Variants in SCN11A observed in about 807,000 individuals in gnomAD.
SCN11A encodes sodium channel protein type 11 subunit alpha.
In SCN11A, 122 loss-of-function variants were observed where a neutral mutation model predicts 162.2. The ratio of observed to expected loss-of-function variants is 0.75; its 90% CI spans 0.65 to 0.87. The LOEUF (loss-of-function observed/expected upper bound fraction) is 0.87, where lower values mean the gene tolerates loss of function less well. Among genes scored for constraint, SCN11A ranks in the 40% least tolerant of loss-of-function variants. The pLI, the probability that SCN11A is intolerant of heterozygous loss-of-function variation, is 0.00. For synonymous variants in SCN11A, 758 were observed against 751.5 expected, an observed-to-expected ratio of 1.01 and a Z score of -0.14; for missense variants, 2,015 against 2,181.6, an observed-to-expected ratio of 0.92 and a Z score of 1.52.
chr3:38,995,803 A>ATCTATCTATCTGTCTG (rs1553648571), intron 2 of SCN11A, among the ~76,000 whole-genome samples: 110 of 135,248 alleles, frequency 8.1e-4, no homozygotes, highest in African/African-American at 2.8e-3. Flanking sequence ...TAAATTGTCT[A>ATCTATCTATCTGTCTG]TCTATCTATC....
chr3:38,994,408 T>C (rs946610690), intron 2 of SCN11A, among the ~76,000 whole-genome samples: 1 of 152,142 alleles, frequency 6.6e-6, no homozygotes, highest in African/African-American at 2.4e-5. Context: ...AGGACATTTC[T>C]AGGGTACTTA....
chr3:38,917,978 A>G (rs894725096), intron 11 of SCN11A, among the ~76,000 whole-genome samples: 9 of 151,480 alleles, frequency 5.9e-5, no homozygotes, highest in Admixed American at 5.3e-4. Context: ...TTTCCCCACC[A>G]CTCTCTATTG....
At chr3:38,964,455 A>G (rs1340438993) in intron 2 of SCN11A, among the ~76,000 whole-genome samples, 1 of 152,232 alleles carries the variant, frequency 6.6e-6, no homozygotes, top group Non-Finnish European at 1.5e-5. Context: ...TGCATGAGAA[A>G]GAACAGGTGT....
intron 11 of SCN11A, among the ~76,000 whole-genome samples, chr3:38,914,308 G>A (rs1438675575): frequency 6.6e-6 from 1 of 151,988 alleles, no homozygotes; most frequent in East Asian, 1.9e-4. Context: ...TTGGTATACA[G>A]GAATGCTAGT....
At chr3:38,870,812 G>C in intron 25 of SCN11A, 68 bp from the exon 26 acceptor site, 1 of 1,408,150 alleles carries the variant, frequency 7.1e-7, no homozygotes, top group Non-Finnish European at 1.0e-6. Context: ...ACATGGCATG[G>C]AAAAGCAGGT....
chr3:38,938,022 C>T (rs1178296929), intron 7 of SCN11A, among the ~76,000 whole-genome samples: 1 of 152,136 alleles, frequency 6.6e-6, no homozygotes, highest in African/African-American at 2.4e-5. Context: ...AAATGTGGCA[C>T]ATATACACCA....
intron 2 of SCN11A, among the ~76,000 whole-genome samples, chr3:38,984,660 G>A (rs1187467243): frequency 6.6e-6 from 1 of 152,074 alleles, no homozygotes; most frequent in Non-Finnish European, 1.5e-5. Context: ...ACAGGTACCT[G>A]CCACCATGCC....
intron 1 of SCN11A, among the ~76,000 whole-genome samples, chr3:39,045,082 C>G (rs1230295477): frequency 6.6e-5 from 10 of 152,022 alleles, no homozygotes; most frequent in Admixed American, 6.6e-4. Flanking sequence ...ACGCAACCTA[C>G]CAAAATTGGA....
intron 9 of SCN11A, among the ~76,000 whole-genome samples, chr3:38,923,349 G>A (rs1399209075): frequency 6.6e-6 from 1 of 152,068 alleles, no homozygotes. Context: ...TCCTGAAATG[G>A]TATCTCTAGC....
rs950225265 is a variant in SCN11A, at chr3:38,883,136, G to T, written c.3219+97C>A. 18 of 1,068,572 alleles carry T rather than the reference G, an allele frequency of 1.7e-5. No individual in the cohort carries two copies. The African/African-American group carries it at 2.5e-4, about 15-fold the overall frequency. 66.2% of individuals were successfully genotyped at this position (1,068,572 alleles called of 1,614,324 possible). A position where few individuals can be genotyped will look rare whatever the true frequency, so the allele number is the denominator to read the frequency against. On this transcript the variant is annotated intron_variant, in intron 22 of 29. Transcript: ENST00000302328. The stretch of plus-strand genomic sequence containing the variant: ...CAGCATCAGAGACCACTTCTGTCTG[G>T]TCTCCCATATTCACAGTCCCACGAG...
At chr3:38,989,572 T>C (rs1484999834) in intron 2 of SCN11A, among the ~76,000 whole-genome samples, 4 of 152,238 alleles carry the variant, frequency 2.6e-5, no homozygotes, top group African/African-American at 4.8e-5. Context: ...TTTTGAAGAA[T>C]GTGCTTAGAA....
intron 2 of SCN11A, among the ~76,000 whole-genome samples, chr3:39,031,049 T>C (rs1410673458): frequency 6.6e-6 from 1 of 152,070 alleles, no homozygotes; most frequent in Non-Finnish European, 1.5e-5. Flanking sequence ...AAATGGAAAA[T>C]GGACTGGTTT....
rs1343397859 is a variant in SCN11A at position 38,847,283 on chromosome 3, A to G, written c.4787T>C (p.Val1596Ala). 2 of 1,614,192 alleles carry G rather than the reference A, an allele frequency of 1.2e-6. No individual in the cohort carries two copies. The highest frequency in any genetic ancestry group is 3.3e-5 in the Admixed American group (2 of 60,024). ...TAAAATCACAGCAATGTACATGTTG[A>G]CAACAATGAGAAAGGAGATGATAAT... ...SYIIISFLIV[V>A]NMYIAVILEN... The change falls in exon 30 of 30, where the codon GTC becomes GCC. Residue 1596 changes from valine to alanine, a missense_variant. Coordinates refer to ENST00000302328, the MANE Select transcript of SCN11A (RefSeq NM_001349253.2).
In SCN11A at chr3:38,929,172, C is replaced by CACACACACACACACACAT. The variant is rs139558791; in HGVS notation, c.489-2242_489-2241insATGTGTGTGTGTGTGTGT. Among the ~76,000 whole-genome samples the CACACACACACACACACAT allele has an allele frequency of 8.5e-3, 681 of 79,818 alleles. 2 individuals carry two copies. The highest frequency in any genetic ancestry group is 0.011 in the African/African-American group (342 of 32,472). The allele number at this position is 79,818 out of a possible 152,430, so 52.4% of individuals were successfully genotyped here. ...ACACACACACACACACACACACACA[C>CACACACACACACACACAT]ATGTTTGGGACTGAAACAAGTAATT... On this transcript the variant is annotated intron_variant, in intron 7 of 29. Transcript: ENST00000302328.
intron 21 of SCN11A, among the ~76,000 whole-genome samples, chr3:38,884,554 C>G (rs1289621512): frequency 6.6e-6 from 1 of 152,180 alleles, no homozygotes; most frequent in Non-Finnish European, 1.5e-5. Context: ...TCTATTCTTA[C>G]ACTAGAGATA....
chr3:38,862,116 C>A (rs1026721106), intron 28 of SCN11A, among the ~76,000 whole-genome samples: 2 of 151,726 alleles, frequency 1.3e-5, no homozygotes, highest in Admixed American at 6.6e-5. Flanking sequence ...TTACAAATGG[C>A]CAAGAAACAT....
chr3:38,895,109 A>C, intron 18 of SCN11A, 145 bp from the exon 19 acceptor site: 1 of 678,742 alleles, frequency 1.5e-6, no homozygotes, highest in Non-Finnish European at 2.4e-6. Context: ...AAGCTCATCT[A>C]TCCAATAAAT....
intron 22 of SCN11A, among the ~76,000 whole-genome samples, chr3:38,882,559 TAAGAG>T (rs2126105900): frequency 6.6e-6 from 1 of 152,136 alleles, no homozygotes; most frequent in African/African-American, 2.4e-5. Flanking sequence ...ATGCAGGTGA[TAAGAG>T]AAAAGATACT....
chr3:38,938,515 T>C (rs1559544819), intron 7 of SCN11A, among the ~76,000 whole-genome samples: 331 of 11,522 alleles, frequency 0.029, 1 homozygote, highest in African/African-American at 0.048. Context: ...ATATCATATA[T>C]ATATATATAT....
Sources: gnomAD v4.1 joint callset for allele counts (sites outside exome capture counted in the v4.1 genomes callset) on GRCh38, gnomAD v4.1.1 for gene constraint, MANE v1.5 for transcripts, NCBI Gene and HGNC (gene_info 2026-07-23, HGNC 2026-07-21) for gene names.